MEI4: variants seen among roughly 807,000 people sequenced by gnomAD.
MEI4 encodes meiotic double-stranded break formation protein 4.
MEI4 carries 27 observed loss-of-function variants against 31.4 expected under a neutral mutation model. That is an observed-to-expected ratio of 0.86 (90% CI 0.63 to 1.19). MEI4 has a LOEUF of 1.19. Ranked by LOEUF, MEI4 falls within the 50% of genes most tolerant of loss-of-function variation. The pLI is 0.00. For missense variants in MEI4, 329 were observed against 398.9 expected (o/e 0.82, Z 1.49); for synonymous variants, 122 against 145.4 (o/e 0.84, Z 1.16).
intron 2 of MEI4, among the ~76,000 whole-genome samples, chr6:77,739,692 C>T (rs1425973228): frequency 6.6e-6 from 1 of 151,832 alleles, no homozygotes; most frequent in Non-Finnish European, 1.5e-5. Context: ...ATGTAACAAA[C>T]CTGCACGTTC....
intron 2 of MEI4, among the ~76,000 whole-genome samples, chr6:77,734,193 C>G (rs937111959): frequency 5.3e-5 from 8 of 151,940 alleles, no homozygotes; most frequent in Non-Finnish European, 1.0e-4. Flanking sequence ...TGTTGACTTT[C>G]TGTCTCATGA....
At chr6:77,656,331 T>G (rs1768394605) in intron 1 of MEI4, among the ~76,000 whole-genome samples, 1 of 152,126 alleles carries the variant, frequency 6.6e-6, no homozygotes, top group Non-Finnish European at 1.5e-5. Context: ...AATGTCTGTC[T>G]CTTGCAAGAT....
At chr6:77,668,812 A>C (rs996497913) in intron 1 of MEI4, among the ~76,000 whole-genome samples, 2 of 152,210 alleles carry the variant, frequency 1.3e-5, no homozygotes, top group Admixed American at 1.3e-4. Context: ...ATAATCTATC[A>C]TACCATAACT....
chr6:77,672,523 A>G (rs1768764484), intron 1 of MEI4, among the ~76,000 whole-genome samples: 1 of 152,208 alleles, frequency 6.6e-6, no homozygotes, highest in African/African-American at 2.4e-5. Flanking sequence ...AATGCATTAT[A>G]CATTTACATT....
At chr6:77,694,313 C>T (rs983561906) in intron 2 of MEI4, among the ~76,000 whole-genome samples, 2 of 151,734 alleles carry the variant, frequency 1.3e-5, no homozygotes, top group African/African-American at 4.8e-5. Flanking sequence ...GCACAATGTG[C>T]AGGTTAGTTA....
intron 2 of MEI4, among the ~76,000 whole-genome samples, chr6:77,700,683 C>T (rs983231263): frequency 6.6e-5 from 10 of 152,178 alleles, no homozygotes; most frequent in African/African-American, 1.9e-4. Flanking sequence ...TATTCTGTGT[C>T]GCTCACGCTG....
intron 4 of MEI4, among the ~76,000 whole-genome samples, chr6:77,875,647 A>C (rs544054449): frequency 2.3e-4 from 35 of 152,216 alleles, no homozygotes; most frequent in Non-Finnish European, 2.1e-4. Flanking sequence ...ACAAACACTG[A>C]ATACTGTTAC....
At chr6:77,755,313 A>C (rs1767886647) in intron 2 of MEI4, among the ~76,000 whole-genome samples, 1 of 152,228 alleles carries the variant, frequency 6.6e-6, no homozygotes, top group Admixed American at 6.5e-5. Flanking sequence ...ACAGAAAAAA[A>C]ATGTAAGGGT....
rs1308905250 is a variant in MEI4 at position 77,926,035 on chromosome 6, G to A, written c.*2689G>A. The A allele has an allele frequency of 6.6e-6, 1 of 151,714 alleles. No homozygotes were observed. The highest frequency in any genetic ancestry group is 2.4e-5 in the African/African-American group (1 of 41,344). 9.4% of individuals were successfully genotyped at this position (151,714 alleles called of 1,614,324 possible). A position where few individuals can be genotyped will look rare whatever the true frequency, so the allele number is the denominator to read the frequency against. On this transcript the variant is annotated 3_prime_UTR_variant, in exon 5 of 5. Coordinates refer to ENST00000684080, the MANE Select transcript of MEI4 (RefSeq NM_001322247.2). ...GCCCAAGTTCACAACACCAGGAAGTGGCAGTTAGGTTTCATCCTGAGGCAG... is the reference window on the plus strand; with the variant it reads ...GCCCAAGTTCACAACACCAGGAAGTAGCAGTTAGGTTTCATCCTGAGGCAG...
At chr6:77,702,556 C>T (rs60245079) in intron 2 of MEI4, among the ~76,000 whole-genome samples, 42,786 of 152,122 alleles carry the variant, frequency 0.28, 6,791 homozygotes, top group South Asian at 0.39. Context: ...CTCTGCATTT[C>T]TCTCCATTCC....
Position 77,850,505 on chromosome 6 carries a change from C to T in MEI4, c.900+21443C>T, listed in dbSNP as rs1051645699. On this transcript the variant is annotated intron_variant, in intron 4 of 4. Transcript: ENST00000684080. Reference sequence around the variant, plus strand: ...CACACATCTACAACCATCTGATCTCCGACAAACCTGACAAAAACAAGAAAT... The same window carrying T: ...CACACATCTACAACCATCTGATCTCTGACAAACCTGACAAAAACAAGAAAT... Among the ~76,000 whole-genome samples the T allele has an allele frequency of 5.9e-5, 9 of 152,094 alleles. 1 individual carries two copies. The highest frequency in any genetic ancestry group is 3.9e-4 in the East Asian group (2 of 5,166).
At chr6:77,730,825 T>A (rs1471397367) in intron 2 of MEI4, among the ~76,000 whole-genome samples, 1 of 137,756 alleles carries the variant, frequency 7.3e-6, no homozygotes, top group Non-Finnish European at 1.5e-5. Context: ...CCCCTTCCTG[T>A]GTCCCTGTGT....
intron 2 of MEI4, among the ~76,000 whole-genome samples, chr6:77,754,611 T>A (rs2127679562): frequency 6.6e-6 from 1 of 152,314 alleles, no homozygotes; most frequent in Admixed American, 6.5e-5. Flanking sequence ...TACCCCACTC[T>A]ATGCAGTACC....
chr6:77,692,460 A>T (rs562478721), intron 2 of MEI4, among the ~76,000 whole-genome samples: 1 of 152,054 alleles, frequency 6.6e-6, no homozygotes, highest in Non-Finnish European at 1.5e-5. Context: ...TCAATGAAAG[A>T]GGAACATAGA....
At chr6:77,751,574 C>G (rs1280298103) in intron 2 of MEI4, among the ~76,000 whole-genome samples, 4 of 151,918 alleles carry the variant, frequency 2.6e-5, no homozygotes, top group Non-Finnish European at 5.9e-5. Context: ...AGGAAAACAT[C>G]CAAGCCCTGA....
chr6:77,921,615 T>G (rs551636363), intron 4 of MEI4, among the ~76,000 whole-genome samples: 78 of 152,014 alleles, frequency 5.1e-4, no homozygotes, highest in African/African-American at 1.8e-3. Flanking sequence ...ACATGCCTTC[T>G]TCACTAAGCT....
intron 1 of MEI4, among the ~76,000 whole-genome samples, chr6:77,689,757 G>A (rs1769123500): frequency 6.6e-6 from 1 of 152,036 alleles, no homozygotes; most frequent in African/African-American, 2.4e-5. Flanking sequence ...TGAAGAATTT[G>A]AAAATGTGTT....
At chr6:77,769,943 G>C (rs1368776823) in intron 3 of MEI4, among the ~76,000 whole-genome samples, 1 of 151,854 alleles carries the variant, frequency 6.6e-6, no homozygotes, top group Non-Finnish European at 1.5e-5. Context: ...TAACTTTGGG[G>C]AGAGACCACT....
intron 1 of MEI4, among the ~76,000 whole-genome samples, chr6:77,685,204 A>AT (rs1222616090): frequency 6.6e-6 from 1 of 150,644 alleles, no homozygotes; most frequent in Non-Finnish European, 1.5e-5. Flanking sequence ...GGGTTATTAT[A>AT]TTTTTTCCTA....
Sources: gnomAD v4.1 joint callset for allele counts (sites outside exome capture counted in the v4.1 genomes callset) on GRCh38, gnomAD v4.1.1 for gene constraint, MANE v1.5 for transcripts, NCBI Gene and HGNC (gene_info 2026-07-23, HGNC 2026-07-21) for gene names.